BTAF1: variants seen among roughly 807,000 people sequenced by gnomAD.
BTAF1 encodes the protein TATA-binding protein-associated factor 172.
In BTAF1, 38 loss-of-function variants were observed where a neutral mutation model predicts 227.1. That is an observed-to-expected ratio of 0.17 (90% CI 0.13 to 0.22). The LOEUF is 0.22. Ranked by LOEUF, BTAF1 falls within the 10% of genes least tolerant of loss-of-function variation. The probability of loss-of-function intolerance (pLI) is 1.00; values close to 1 mark genes in which losing one functional copy is unlikely to be tolerated. For missense variants in BTAF1, 1,598 were observed against 2,204.0 expected (o/e 0.73, Z 5.51); for synonymous variants, 742 against 751.9 (o/e 0.99, Z 0.21).
At chr10:91,942,967 A>G (rs1485402932) in intron 4 of BTAF1, among the ~76,000 whole-genome samples, 1 of 152,128 alleles carries the variant, frequency 6.6e-6, no homozygotes, top group Non-Finnish European at 1.5e-5. Flanking sequence ...TTTTTATCAC[A>G]TATTTCTGAT....
intron 14 of BTAF1, among the ~76,000 whole-genome samples, chr10:91,967,237 T>C (rs1463853562): frequency 6.6e-6 from 1 of 152,180 alleles, no homozygotes; most frequent in East Asian, 1.9e-4. Flanking sequence ...TTTTCAAGGA[T>C]AGTATACTTC....
chr10:91,955,936 T>A (rs1006106850), intron 6 of BTAF1, among the ~76,000 whole-genome samples: 13 of 152,220 alleles, frequency 8.5e-5, no homozygotes, highest in Admixed American at 2.6e-4. Flanking sequence ...CTTTAAAATG[T>A]GCTAAGTTTT....
intron 32 of BTAF1, among the ~76,000 whole-genome samples, chr10:92,014,394 A>G (rs141414140): frequency 2.1e-3 from 320 of 152,120 alleles, no homozygotes; most frequent in African/African-American, 7.2e-3. Context: ...TGCCCGGCTA[A>G]TTTTTTAAGT....
intron 1 of BTAF1, among the ~76,000 whole-genome samples, chr10:91,924,676 C>T (rs1484684506): frequency 6.6e-6 from 1 of 152,156 alleles, no homozygotes; most frequent in Non-Finnish European, 1.5e-5. Context: ...GTAACTAAGG[C>T]GTGGAAGATA....
chr10:91,935,582 G>A, intron 1 of BTAF1, 75 bp from the exon 2 acceptor site: 1 of 1,520,164 alleles, frequency 6.6e-7, no homozygotes. Context: ...CATCTGCTCA[G>A]TACGTTTATT....
intron 30 of BTAF1, among the ~76,000 whole-genome samples, chr10:92,011,735 T>C (rs1850303018): frequency 6.6e-6 from 1 of 152,194 alleles, no homozygotes; most frequent in Non-Finnish European, 1.5e-5. Context: ...CAATCTGATT[T>C]AGCATTGAAA....
chr10:91,973,731 C>T (rs944809414), intron 14 of BTAF1, among the ~76,000 whole-genome samples: 5 of 151,488 alleles, frequency 3.3e-5, no homozygotes, highest in South Asian at 2.1e-4. Context: ...GGTGAAACCC[C>T]GTCTCTACTA....
chr10:91,935,847 AAAAT>A (rs1844572874), intron 2 of BTAF1, 67 bp downstream of exon 2: 1 of 1,325,148 alleles, frequency 7.5e-7, no homozygotes, highest in Non-Finnish European at 1.0e-6. Flanking sequence ...TAGGAACACA[AAAAT>A]AAAGGTAAAC....
At position 91,982,725 on chromosome 10, in the gene BTAF1, A is replaced by C. The variant is rs1273609757; in HGVS notation, c.2187A>C (p.Val729=). 2.5e-6 allele frequency: 4 copies of C among 1,613,106 alleles called. No homozygotes were observed. In the South Asian group the frequency reaches 4.4e-5, roughly 18 times the overall value. Residue 729 remains valine, a synonymous_variant, in exon 18 of 38, where the codon GTA becomes GTC. Coordinates refer to ENST00000265990, the MANE Select transcript of BTAF1 (RefSeq NM_003972.3). ...AGTCTGCTTTACAGAGGATTAGTGT[A>C]GCTTTGGTAATCTGTGAATGGGCTG... The part of the protein sequence containing the change: ...NSKSALQRIS[V]ALVICEWAAL...
chr10:91,944,581 A>G (rs533740662), intron 4 of BTAF1, among the ~76,000 whole-genome samples: 116 of 152,382 alleles, frequency 7.6e-4, no homozygotes, highest in Admixed American at 1.6e-3. Flanking sequence ...TATACATTAT[A>G]CAATTCATCA....
chr10:92,029,655 C>T lies in BTAF1; in HGVS notation c.*722C>T, dbSNP rs1269096500. On this transcript the variant is annotated 3_prime_UTR_variant, in exon 38 of 38. Transcript: ENST00000265990. ...CTACGATATAGCCAGATTCAAATAA[C>T]ATATGTACTCAATAGGTTTCAATCA... 1 of 151,646 alleles carries T rather than the reference C, an allele frequency of 6.6e-6. No homozygotes were observed. The highest frequency in any genetic ancestry group is 2.4e-5 in the African/African-American group (1 of 41,308). 9.4% of individuals were successfully genotyped at this position (151,646 alleles called of 1,614,324 possible). A position where few individuals can be genotyped will look rare whatever the true frequency, so the allele number is the denominator to read the frequency against.
intron 6 of BTAF1, among the ~76,000 whole-genome samples, chr10:91,954,964 T>C (rs1845998736): frequency 6.6e-6 from 1 of 152,112 alleles, no homozygotes; most frequent in South Asian, 2.1e-4. Flanking sequence ...CCTCGGAAAA[T>C]AGGATTTGCA....
intron 4 of BTAF1, among the ~76,000 whole-genome samples, chr10:91,950,153 G>GT (rs1564666030): frequency 1.1e-5 from 1 of 89,968 alleles, no homozygotes; most frequent in Non-Finnish European, 2.4e-5. Flanking sequence ...CTTTGTGGGG[G>GT]GGGGCGGGAA....
intron 34 of BTAF1, among the ~76,000 whole-genome samples, chr10:92,022,029 A>G (rs1015241765): frequency 3.9e-5 from 6 of 152,156 alleles, no homozygotes; most frequent in Admixed American, 3.9e-4. Context: ...CCATTATTAG[A>G]TGGCCTTGGT....
chr10:91,959,346 G>T, intron 9 of BTAF1, 192 bp downstream of exon 9: 1 of 1,229,944 alleles, frequency 8.1e-7, no homozygotes, highest in Non-Finnish European at 1.1e-6. Context: ...TGAGAGGTCA[G>T]TGAGCAACAT....
chr10:91,935,923 C>A (rs868390583), intron 2 of BTAF1, 143 bp downstream of exon 2: 6 of 599,538 alleles, frequency 1.0e-5, no homozygotes, highest in South Asian at 4.2e-5. Context: ...AAGACTTAAA[C>A]TTTTTTTTTT....
At chr10:91,960,583 CAG>C (rs1283770525) in intron 11 of BTAF1, among the ~76,000 whole-genome samples, 12 of 136,274 alleles carry the variant, frequency 8.8e-5, no homozygotes, top group Non-Finnish European at 1.2e-4. Context: ...CATAAACTGT[CAG>C]TGTTTTTTTT....
intron 21 of BTAF1, 112 bp downstream of exon 21, chr10:91,992,421 G>A (rs779141435): frequency 6.6e-6 from 7 of 1,060,386 alleles, no homozygotes; most frequent in East Asian, 2.7e-5. Flanking sequence ...TAAAGAAATG[G>A]GATTAATTTT....
At chr10:91,937,884 G>C (rs1016824724) in intron 2 of BTAF1, among the ~76,000 whole-genome samples, 1 of 152,064 alleles carries the variant, frequency 6.6e-6, no homozygotes, top group African/African-American at 2.4e-5. Context: ...CATTATTTAC[G>C]TTTTCAACAG....
Sources: gnomAD v4.1 joint callset for allele counts (sites outside exome capture counted in the v4.1 genomes callset) on GRCh38, gnomAD v4.1.1 for gene constraint, MANE v1.5 for transcripts, NCBI Gene and HGNC (gene_info 2026-07-23, HGNC 2026-07-21) for gene names.